The following ZPLD1 variants were observed in gnomAD, a reference collection of about 807,000 sequenced individuals.
ZPLD1 encodes zona pellucida like domain containing 1, also known as zona pellucida-like domain-containing protein 1.
In ZPLD1, 34 loss-of-function variants were observed where a neutral mutation model predicts 47.2. That is an observed-to-expected ratio of 0.72 (90% CI 0.55 to 0.96). The LOEUF (loss-of-function observed/expected upper bound fraction) is 0.96, where lower values mean the gene tolerates loss of function less well. Among genes scored for constraint, ZPLD1 ranks in the 40% least tolerant of loss-of-function variants. The probability of loss-of-function intolerance (pLI) is 0.00; values close to 1 mark genes in which losing one functional copy is unlikely to be tolerated. For missense variants in ZPLD1, 512 were observed against 505.8 expected (o/e 1.01, Z -0.12); for synonymous variants, 176 against 186.2 (o/e 0.95, Z 0.45).
chr3:102,388,139 C>A (rs985488926), intron 6 of ZPLD1, among the ~76,000 whole-genome samples: 11 of 152,116 alleles, frequency 7.2e-5, no homozygotes, highest in African/African-American at 2.4e-4. Flanking sequence ...GGATTACAGG[C>A]GTGAGCCACC....
intron 6 of ZPLD1, among the ~76,000 whole-genome samples, chr3:102,459,115 AAAAAG>A (rs1707467781): frequency 6.6e-6 from 1 of 150,392 alleles, no homozygotes; most frequent in Non-Finnish European, 1.5e-5. Context: ...AAAAAAAAAA[AAAAAG>A]GAAGCTGCCA....
chr3:102,457,078 A>G (rs1707428503), intron 5 of ZPLD1, among the ~76,000 whole-genome samples: 1 of 152,156 alleles, frequency 6.6e-6, no homozygotes, highest in African/African-American at 2.4e-5. Flanking sequence ...GATTAAGCGA[A>G]CGCTTTCTCC....
intron 11 of ZPLD1, 131 bp from the exon 12 acceptor site, chr3:102,477,312 G>A (rs1576172013): frequency 1.9e-6 from 2 of 1,070,712 alleles, no homozygotes; most frequent in East Asian, 4.7e-5. Flanking sequence ...CAAATAGATT[G>A]TAACACAATT....
intron 10 of ZPLD1, among the ~76,000 whole-genome samples, chr3:102,470,880 G>C (rs1265877718): frequency 6.6e-6 from 1 of 151,992 alleles, no homozygotes; most frequent in Non-Finnish European, 1.5e-5. Flanking sequence ...CCGGGTTCAA[G>C]AGATTCTCCT....
intron 7 of ZPLD1, among the ~76,000 whole-genome samples, chr3:102,399,732 T>G (rs1276678929): frequency 6.6e-6 from 1 of 152,126 alleles, no homozygotes; most frequent in Non-Finnish European, 1.5e-5. Flanking sequence ...TTAGGAACCA[T>G]TTTTTGAATT....
At chr3:102,463,688 T>A (rs1298385511) in intron 7 of ZPLD1, among the ~76,000 whole-genome samples, 2 of 152,060 alleles carry the variant, frequency 1.3e-5, no homozygotes, top group African/African-American at 2.4e-5. Flanking sequence ...AGAGAAAGTT[T>A]TAATGAACAA....
chr3:102,416,303 G>C (rs1025758055), intron 7 of ZPLD1, among the ~76,000 whole-genome samples: 1 of 151,906 alleles, frequency 6.6e-6, no homozygotes. Context: ...TAACCAACTT[G>C]TAGGGTATAT....
intron 7 of ZPLD1, among the ~76,000 whole-genome samples, chr3:102,414,102 T>A (rs910523999): frequency 6.6e-6 from 1 of 151,798 alleles, no homozygotes; most frequent in African/African-American, 2.4e-5. Context: ...GTGGCTCTTA[T>A]CACTTATTTA....
At chr3:102,456,885 C>T (rs898696409) in intron 5 of ZPLD1, among the ~76,000 whole-genome samples, 1 of 152,202 alleles carries the variant, frequency 6.6e-6, no homozygotes, top group Non-Finnish European at 1.5e-5. Flanking sequence ...GAAGGGTGCT[C>T]ATGATTCTCC....
chr3:102,477,651 T>C lies in ZPLD1; in HGVS notation c.*33T>C. 1 of 1,570,100 alleles carries C rather than the reference T, an allele frequency of 6.4e-7. No individual in the cohort carries two copies. The highest frequency in any genetic ancestry group is 1.2e-5 in the South Asian group (1 of 84,414). ...AGATTCCTGCTCTCTGGAGAAGGCTTCACTGACTAAACTATGTGTGACTGC... is the reference window on the plus strand; with the variant it reads ...AGATTCCTGCTCTCTGGAGAAGGCTCCACTGACTAAACTATGTGTGACTGC... On this transcript the variant is annotated 3_prime_UTR_variant, in exon 12 of 12. Transcript: ENST00000466937.
intron 7 of ZPLD1, among the ~76,000 whole-genome samples, chr3:102,416,011 T>C (rs1463341751): frequency 6.6e-6 from 1 of 151,914 alleles, no homozygotes; most frequent in East Asian, 1.9e-4. Flanking sequence ...ATATTTTATA[T>C]GCCTAAAATT....
chr3:102,452,896 T>C (rs548297850), intron 3 of ZPLD1, 23 bp from the exon 4 acceptor site: 4 of 1,608,204 alleles, frequency 2.5e-6, no homozygotes, highest in Non-Finnish European at 3.4e-6. Context: ...CTTATGTTTG[T>C]TTTTTATATA....
intron 3 of ZPLD1, 67 bp from the exon 4 acceptor site, chr3:102,452,852 G>T: frequency 1.3e-6 from 2 of 1,505,446 alleles, no homozygotes; most frequent in South Asian, 1.2e-5. Flanking sequence ...ATATCAGTAG[G>T]ATGTTAATGT....
chr3:102,471,978 GTATCTTT>G (rs1318567209), intron 10 of ZPLD1, among the ~76,000 whole-genome samples: 2 of 151,924 alleles, frequency 1.3e-5, no homozygotes, highest in Non-Finnish European at 2.9e-5. Context: ...TACATTTTCG[GTATCTTT>G]TCTCCATGCT....
intron 6 of ZPLD1, among the ~76,000 whole-genome samples, chr3:102,460,066 A>T (rs1707482663): frequency 6.6e-6 from 1 of 152,040 alleles, no homozygotes; most frequent in Non-Finnish European, 1.5e-5. Context: ...CCCTAGAAAA[A>T]ATTTTGATAT....
At chr3:102,450,913 C>T (rs1285980663) in intron 3 of ZPLD1, among the ~76,000 whole-genome samples, 1 of 151,848 alleles carries the variant, frequency 6.6e-6, no homozygotes, top group Non-Finnish European at 1.5e-5. Flanking sequence ...TTAATGTTGC[C>T]GAAGTATGAA....
At chr3:102,459,488 G>A (rs80177144) in intron 6 of ZPLD1, among the ~76,000 whole-genome samples, 4,592 of 152,100 alleles carry the variant, frequency 0.03, 184 homozygotes, top group African/African-American at 0.094. Flanking sequence ...TTGTTATTAA[G>A]GTCTTTCTTT....
intron 8 of ZPLD1, among the ~76,000 whole-genome samples, chr3:102,425,639 T>C (rs1030736268): frequency 2.6e-5 from 4 of 152,094 alleles, no homozygotes; most frequent in Admixed American, 6.6e-5. Context: ...GTTATTGAGA[T>C]AGGAGCTGAA....
Position 102,438,530 on chromosome 3 carries a change from C to A in ZPLD1, c.43C>A (p.Leu15Ile). The change falls in exon 3 of 12, where the codon CTT becomes ATT. Residue 15 changes from leucine to isoleucine, a missense_variant. Coordinates refer to ENST00000466937, the MANE Select transcript of ZPLD1 (RefSeq NM_001329788.2). The part of the protein sequence containing the change: ...WLLLLLTIRV[L>I]PGSAQFNGYN... ...GCTGCTGCTTCTAACAATTAGAGTG[C>A]TTCCGGGGTCTGCTCAGTTCAACGG... 1 of 1,613,956 alleles carries A rather than the reference C, an allele frequency of 6.2e-7. No individual in the cohort carries two copies. The highest frequency in any genetic ancestry group is 8.5e-7 in the Non-Finnish European group (1 of 1,179,862).
Sources: gnomAD v4.1 joint callset for allele counts (sites outside exome capture counted in the v4.1 genomes callset) on GRCh38, gnomAD v4.1.1 for gene constraint, MANE v1.5 for transcripts, NCBI Gene and HGNC (gene_info 2026-07-23, HGNC 2026-07-21) for gene names.